The following ERC2 variants were observed in gnomAD, a reference collection of about 807,000 sequenced individuals.
The protein encoded by ERC2 is ELKS/RAB6-interacting/CAST family member 2, also known as ERC protein 2.
Under a neutral mutation model 114.8 loss-of-function variants are expected in ERC2, and 42 were observed. That is an observed-to-expected ratio of 0.37 (90% CI 0.29 to 0.47). The LOEUF (loss-of-function observed/expected upper bound fraction) is 0.47. Among genes scored for constraint, ERC2 ranks in the 20% least tolerant of loss-of-function variants. ERC2 has a pLI of 0.99. For synonymous variants in ERC2, 454 were observed against 425.5 expected, an observed-to-expected ratio of 1.07 and a Z score of -0.82; for missense variants, 939 against 1,150.7, an observed-to-expected ratio of 0.82 and a Z score of 2.66.
At chr3:55,803,656 A>G (rs540639115) in intron 14 of ERC2, among the ~76,000 whole-genome samples, 2 of 152,130 alleles carry the variant, frequency 1.3e-5, no homozygotes, top group Non-Finnish European at 2.9e-5. Flanking sequence ...GAAATTGCAC[A>G]GAGCTCAATT....
chr3:56,257,477 C>T (rs2052600001), intron 3 of ERC2, among the ~76,000 whole-genome samples: 1 of 152,158 alleles, frequency 6.6e-6, no homozygotes, highest in African/African-American at 2.4e-5. Context: ...GCTAAGGCTC[C>T]ATTTCCCACC....
At position 56,339,744 on chromosome 3, in the gene ERC2, C is replaced by T. The variant is rs75158073; in HGVS notation, c.658-43309G>A. Among the ~76,000 whole-genome samples the T allele has an allele frequency of 7.5e-3, 1,134 of 152,136 alleles. 21 individuals carry two copies. The highest frequency in any genetic ancestry group is 0.026 in the African/African-American group (1,063 of 41,476). On this transcript the variant is annotated intron_variant, in intron 2 of 17. Transcript: ENST00000288221. ...GAATCTCTGAAACTCCCTTCTGCCC[C>T]GCAACTTTCATTTCCTGAATTTCCC...
chr3:55,932,990 CTTGAGGTCAGGAGT>C (rs1233796201), intron 13 of ERC2, among the ~76,000 whole-genome samples: 11 of 152,188 alleles, frequency 7.2e-5, no homozygotes, highest in Non-Finnish European at 4.4e-5. Context: ...GGGTGGATCA[CTTGAGGTCAGGAGT>C]TTGAGACCAG....
At chr3:55,518,963 G>A (rs1048904549) in intron 17 of ERC2, among the ~76,000 whole-genome samples, 4 of 152,210 alleles carry the variant, frequency 2.6e-5, no homozygotes, top group African/African-American at 9.6e-5. Context: ...GTAACATACA[G>A]GTTAAAAGAA....
At chr3:56,094,801 T>C (rs2077967929) in intron 6 of ERC2, among the ~76,000 whole-genome samples, 1 of 152,190 alleles carries the variant, frequency 6.6e-6, no homozygotes, top group African/African-American at 2.4e-5. Flanking sequence ...AGGTGGTAGT[T>C]AGATTCAGTA....
At chr3:56,448,056 T>G (rs1206248868) in intron 1 of ERC2, among the ~76,000 whole-genome samples, 1 of 152,140 alleles carries the variant, frequency 6.6e-6, no homozygotes, top group Non-Finnish European at 1.5e-5. Context: ...ACCGGTTAAT[T>G]TTTATATAGT....
intron 3 of ERC2, among the ~76,000 whole-genome samples, chr3:56,222,139 T>A (rs911241292): frequency 2.0e-5 from 3 of 152,092 alleles, no homozygotes; most frequent in Non-Finnish European, 2.9e-5. Flanking sequence ...AACATAGGAC[T>A]CCAGATACTG....
chr3:55,561,760 T>A (rs1347557265), intron 17 of ERC2, among the ~76,000 whole-genome samples: 2 of 152,188 alleles, frequency 1.3e-5, no homozygotes, highest in Non-Finnish European at 2.9e-5. Context: ...CTACTCTCAG[T>A]CCATGACCCA....
intron 3 of ERC2, among the ~76,000 whole-genome samples, chr3:56,242,664 T>C (rs949040203): frequency 6.6e-6 from 1 of 152,056 alleles, no homozygotes; most frequent in African/African-American, 2.4e-5. Context: ...AACTTCTTCT[T>C]ATGTAAGAGA....
At chr3:55,927,408 T>A (rs1424732015) in intron 13 of ERC2, among the ~76,000 whole-genome samples, 2 of 152,150 alleles carry the variant, frequency 1.3e-5, no homozygotes, top group Admixed American at 1.3e-4. Context: ...ATCCTTTTGT[T>A]TTTTTGCTTT....
chr3:56,301,305 TC>T (rs2055859516), intron 2 of ERC2, among the ~76,000 whole-genome samples: 1 of 152,246 alleles, frequency 6.6e-6, no homozygotes, highest in African/African-American at 2.4e-5. Flanking sequence ...ATTTTCATTT[TC>T]TTTTAATTTT....
At chr3:55,722,771 A>C (rs1245647610) in intron 15 of ERC2, among the ~76,000 whole-genome samples, 1 of 152,124 alleles carries the variant, frequency 6.6e-6, no homozygotes, top group Non-Finnish European at 1.5e-5. Flanking sequence ...CTGTTTACTG[A>C]TCACTTGCAC....
intron 14 of ERC2, among the ~76,000 whole-genome samples, chr3:55,780,909 C>T (rs2068986136): frequency 6.6e-6 from 1 of 152,192 alleles, no homozygotes; most frequent in African/African-American, 2.4e-5. Flanking sequence ...CCAAGACGAG[C>T]TCACTCAGCT....
chr3:56,074,136 C>A (rs2076865433), intron 7 of ERC2, among the ~76,000 whole-genome samples: 1 of 151,918 alleles, frequency 6.6e-6, no homozygotes, highest in South Asian at 2.1e-4. Context: ...GTTAATGATC[C>A]CACTTGTCTC....
At chr3:55,767,368 C>A (rs756348283) in intron 14 of ERC2, among the ~76,000 whole-genome samples, 2 of 152,116 alleles carry the variant, frequency 1.3e-5, no homozygotes, top group Non-Finnish European at 2.9e-5. Context: ...TCTCAAAGAC[C>A]CCAGAGGCTT....
intron 14 of ERC2, among the ~76,000 whole-genome samples, chr3:55,758,699 G>A (rs2067218318): frequency 6.6e-6 from 1 of 152,204 alleles, no homozygotes; most frequent in African/African-American, 2.4e-5. Flanking sequence ...TTTAATATAA[G>A]GAAGTGTGGA....
intron 5 of ERC2, among the ~76,000 whole-genome samples, chr3:56,147,701 C>G (rs73078496): frequency 3.3e-5 from 5 of 152,076 alleles, no homozygotes; most frequent in African/African-American, 9.7e-5. Flanking sequence ...AACAAGAGAA[C>G]AGGCATATTT....
At chr3:55,649,640 A>G (rs1425555357) in intron 17 of ERC2, among the ~76,000 whole-genome samples, 1 of 152,224 alleles carries the variant, frequency 6.6e-6, no homozygotes. Flanking sequence ...CAGGGTGAAG[A>G]AGATGAGACT....
At chr3:55,655,504 T>C (rs925678320) in intron 17 of ERC2, among the ~76,000 whole-genome samples, 1 of 152,220 alleles carries the variant, frequency 6.6e-6, no homozygotes, top group Admixed American at 6.5e-5. Flanking sequence ...TTGGATTCTA[T>C]TGAAAAATGG....
Sources: allele counts gnomAD v4.1 joint callset (sites outside exome capture counted in the v4.1 genomes callset), GRCh38; gene constraint gnomAD v4.1.1; transcripts MANE v1.5; gene names NCBI Gene and HGNC (gene_info 2026-07-23, HGNC 2026-07-21).